The following SFRP1 variants were observed in gnomAD, a reference collection of about 807,000 sequenced individuals.
The protein encoded by SFRP1 is secreted frizzled related protein 1, also known as secreted frizzled-related protein 1.
Under a neutral mutation model 25.9 loss-of-function variants are expected in SFRP1, and 9 were observed. The observed-to-expected ratio is 0.35, with a 90% confidence interval of 0.21 to 0.61. The LOEUF is 0.61. Ranked by LOEUF, SFRP1 falls within the 20% of genes least tolerant of loss-of-function variation. The pLI is 0.78. For missense variants in SFRP1, 346 were observed against 418.2 expected (o/e 0.83, Z 1.51); for synonymous variants, 178 against 174.0 (o/e 1.02, Z -0.18).
chr8:41,298,790 C>T (rs1033137944), intron 2 of SFRP1, among the ~76,000 whole-genome samples: 1 of 152,212 alleles, frequency 6.6e-6, no homozygotes, highest in Non-Finnish European at 1.5e-5. Flanking sequence ...ATATGTGCAA[C>T]TATTTTGTAT....
chr8:41,285,750 G>C (rs897048527), intron 2 of SFRP1, among the ~76,000 whole-genome samples: 1 of 152,218 alleles, frequency 6.6e-6, no homozygotes, highest in African/African-American at 2.4e-5. Flanking sequence ...CCTCTGAAGA[G>C]CATTCTGGGG....
At chr8:41,272,412 C>G (rs775058071) in intron 2 of SFRP1, among the ~76,000 whole-genome samples, 2 of 152,358 alleles carry the variant, frequency 1.3e-5, no homozygotes, top group East Asian at 3.9e-4. Flanking sequence ...CAAGACCCGA[C>G]CAGCCTGGCC....
In SFRP1 at chr8:41,265,281, G is replaced by A. The variant is rs747543604; in HGVS notation, c.831C>T (p.Ser277=). 6.2e-7 allele frequency: 1 copy of A among 1,614,092 alleles called. No individual in the cohort carries two copies. Among genetic ancestry groups the A allele is most frequent in the Non-Finnish European group, 8.5e-7 (1 of 1,180,010 alleles). Residue 277 remains serine, a synonymous_variant, in exon 3 of 3, where the codon AGC becomes AGT. Coordinates refer to ENST00000220772, the MANE Select transcript of SFRP1 (RefSeq NM_003012.5). The stretch of plus-strand genomic sequence containing the variant: ...TGTGGATGGCCGTCAGCAAGTACTG[G>A]CTCTTCACCTTGCGGCCCATGATGA... ...HFLIMGRKVK[S]QYLLTAIHKW... is the part of the protein sequence containing the mutation.
chr8:41,265,120 G>GGGCCCCCCCCCCCCCCC lies in SFRP1; in HGVS notation c.*46_*47insGGGGGGGGGGGGGGGCC. 6.2e-6 allele frequency: 1 copy of GGGCCCCCCCCCCCCCCC among 160,642 alleles called. No individual in the cohort carries two copies. The allele number at this position is 160,642 out of a possible 1,614,324, so 10.0% of individuals were successfully genotyped here. ...GGGTTCCCGGGGCACTGTCCCCCCCGCTCCCACCCCACCCGAGGCTCCCTC... is the reference window on the plus strand; with the variant it reads ...GGGTTCCCGGGGCACTGTCCCCCCCGGGCCCCCCCCCCCCCCCCTCCCACCCCACCCGAGGCTCCCTC... On this transcript the variant is annotated 3_prime_UTR_variant, in exon 3 of 3. Coordinates refer to ENST00000220772, the MANE Select transcript of SFRP1 (RefSeq NM_003012.5).
intron 2 of SFRP1, 57 bp from the exon 3 acceptor site, chr8:41,265,546 A>G (rs1205698209): frequency 1.4e-5 from 18 of 1,293,394 alleles, no homozygotes; most frequent in Admixed American, 2.7e-5. Context: ...CATTTAGAAC[A>G]CAGCTTTTCT....
intron 2 of SFRP1, among the ~76,000 whole-genome samples, chr8:41,288,039 G>A (rs1172608664): frequency 2.0e-5 from 3 of 148,756 alleles, no homozygotes; most frequent in Admixed American, 6.7e-5. Context: ...GCCACATAGC[G>A]AGACCCCGTT....
chr8:41,307,466 G>A (rs892097492), intron 1 of SFRP1, among the ~76,000 whole-genome samples: 3 of 152,130 alleles, frequency 2.0e-5, no homozygotes, highest in South Asian at 4.1e-4. Flanking sequence ...AATAACAGAG[G>A]TTAAAGACAC....
intron 2 of SFRP1, among the ~76,000 whole-genome samples, chr8:41,299,209 G>C (rs1462014405): frequency 6.6e-6 from 1 of 151,344 alleles, no homozygotes; most frequent in Non-Finnish European, 1.5e-5. Context: ...AGGTTTTTAC[G>C]CACATAAAAT....
intron 2 of SFRP1, among the ~76,000 whole-genome samples, chr8:41,266,088 C>T (rs1157708010): frequency 6.6e-6 from 1 of 151,996 alleles, no homozygotes; most frequent in Non-Finnish European, 1.5e-5. Context: ...ATTGCTTGAA[C>T]CTGGGAGGCG....
At chr8:41,305,055 T>C (rs1585523367) in intron 1 of SFRP1, among the ~76,000 whole-genome samples, 1 of 152,154 alleles carries the variant, frequency 6.6e-6, no homozygotes, top group East Asian at 1.9e-4. Context: ...AAATTTTGCA[T>C]TATGGTTTTT....
rs963165588 is a variant in SFRP1 at position 41,263,060 on chromosome 8, A to C, written c.*2107T>G. On this transcript the variant is annotated 3_prime_UTR_variant, in exon 3 of 3. Transcript: ENST00000220772. ...CTTCCGTATTCTGTGGTAACTACTA[A>C]TGTTCCAGGTAAACCCCTCCACTAA... is the stretch of plus-strand genomic sequence containing the variant. 8.5e-5 allele frequency: 13 copies of C among 152,272 alleles called. No individual in the cohort carries two copies. Among genetic ancestry groups the C allele is most frequent in the African/African-American group, 3.1e-4 (13 of 41,416 alleles). 9.4% of individuals were successfully genotyped at this position (152,272 alleles called of 1,614,324 possible). A position where few individuals can be genotyped will look rare whatever the true frequency, so the allele number is the denominator to read the frequency against.
chr8:41,304,220 G>A (rs1417439209), intron 1 of SFRP1, among the ~76,000 whole-genome samples: 1 of 152,178 alleles, frequency 6.6e-6, no homozygotes, highest in Non-Finnish European at 1.5e-5. Flanking sequence ...GGAGGTTTGT[G>A]GGGGCAGACG....
At chr8:41,299,188 G>C (rs575663557) in intron 2 of SFRP1, among the ~76,000 whole-genome samples, 1 of 150,884 alleles carries the variant, frequency 6.6e-6, no homozygotes, top group East Asian at 2.0e-4. Context: ...ACTAAGCAAT[G>C]GGCCAATCTC....
chr8:41,264,068 C>CT lies in SFRP1; in HGVS notation c.*1098dup. The stretch of plus-strand genomic sequence containing the variant: ...TACACTACCAGGGAAATCCGCCTCC[C>CT]TTGGCAAATGCCTGGGGAGAGCTGC... On this transcript the variant is annotated 3_prime_UTR_variant, in exon 3 of 3. Coordinates refer to ENST00000220772, the MANE Select transcript of SFRP1 (RefSeq NM_003012.5). 1 of 152,248 alleles carries CT rather than the reference C, an allele frequency of 6.6e-6. No individual in the cohort carries two copies. Among genetic ancestry groups the CT allele is most frequent in the East Asian group, 1.9e-4 (1 of 5,202 alleles). 9.4% of individuals were successfully genotyped at this position (152,248 alleles called of 1,614,324 possible). A position where few individuals can be genotyped will look rare whatever the true frequency, so the allele number is the denominator to read the frequency against.
Position 41,262,885 on chromosome 8 carries a change from T to A in SFRP1, c.*2282A>T, listed in dbSNP as rs549678079. 3 of 152,324 alleles carry A rather than the reference T, an allele frequency of 2.0e-5. No homozygotes were observed. The highest frequency in any genetic ancestry group is 4.1e-4 in the South Asian group (2 of 4,822). The allele number at this position is 152,324 out of a possible 1,614,324, so 9.4% of individuals were successfully genotyped here. On this transcript the variant is annotated 3_prime_UTR_variant, in exon 3 of 3. Transcript: ENST00000220772. The stretch of plus-strand genomic sequence containing the variant: ...CTAAAACCTTCAATAAAGTAACTAA[T>A]GACACTCAAGGTCCTGGGACTCTGA...
At chr8:41,298,496 T>C (rs1213412456) in intron 2 of SFRP1, among the ~76,000 whole-genome samples, 8 of 152,064 alleles carry the variant, frequency 5.3e-5, no homozygotes, top group Non-Finnish European at 7.3e-5. Flanking sequence ...AGCCTCAAAT[T>C]CCTGGGTTCA....
intron 1 of SFRP1, among the ~76,000 whole-genome samples, chr8:41,308,100 T>C (rs1160296824): frequency 2.6e-5 from 4 of 152,230 alleles, no homozygotes; most frequent in East Asian, 3.9e-4. Context: ...GGCTTGGTTT[T>C]ATTTTTTAAA....
intron 1 of SFRP1, 80 bp downstream of exon 1, chr8:41,308,536 T>G (rs1585525083): frequency 8.5e-7 from 1 of 1,170,854 alleles, no homozygotes; most frequent in Non-Finnish European, 1.2e-6. Context: ...CGGGCGGGCG[T>G]AGGGTGGCGC....
At chr8:41,302,518 G>A (rs984776521) in intron 2 of SFRP1, among the ~76,000 whole-genome samples, 2 of 152,188 alleles carry the variant, frequency 1.3e-5, no homozygotes, top group Non-Finnish European at 2.9e-5. Context: ...TAAGAAATCC[G>A]ATCTCAGGGA....
Sources: gnomAD v4.1 joint callset for allele counts (sites outside exome capture counted in the v4.1 genomes callset) on GRCh38, gnomAD v4.1.1 for gene constraint, MANE v1.5 for transcripts, NCBI Gene and HGNC (gene_info 2026-07-23, HGNC 2026-07-21) for gene names.